Variants in PPARGC1A observed in about 807,000 individuals in gnomAD.
PPARGC1A encodes the protein PPARG coactivator 1 alpha, also known as peroxisome proliferator-activated receptor gamma coactivator 1-alpha.
In PPARGC1A, 25 loss-of-function variants were observed where a neutral mutation model predicts 88.7. The observed-to-expected ratio is 0.28, with a 90% CI of 0.21 to 0.39. PPARGC1A has a LOEUF of 0.39. Ranked by LOEUF, PPARGC1A falls within the 10% of genes least tolerant of loss-of-function variation. The pLI is 1.00. For synonymous variants in PPARGC1A, 363 were observed against 355.6 expected (o/e 1.02, Z -0.24); for missense variants, 880 against 968.7 (o/e 0.91, Z 1.22).
At chr4:23,894,650 A>C (rs934670515), upstream of PPARGC1A, among the ~76,000 whole-genome samples, 48 of 152,278 alleles carry the variant, frequency 3.2e-4, no homozygotes, top group African/African-American at 1.1e-3. Context: ...GCTCTATGGA[A>C]CTGAGTCAGC....
the PPARGC1A span, among the ~76,000 whole-genome samples, chr4:23,976,799 G>T: frequency 6.6e-6 from 1 of 152,178 alleles, no homozygotes; most frequent in Non-Finnish European, 1.5e-5. Flanking sequence ...CTGGCACCTT[G>T]AGCTTGGATT....
the PPARGC1A span, among the ~76,000 whole-genome samples, chr4:24,025,071 T>C: frequency 1.3e-5 from 2 of 152,316 alleles, no homozygotes; most frequent in Admixed American, 6.5e-5. Context: ...AAAGTTGCAA[T>C]ATAAAATGTT....
intron 2 of PPARGC1A, among the ~76,000 whole-genome samples, chr4:23,840,799 G>C: frequency 6.6e-6 from 1 of 152,050 alleles, no homozygotes. Context: ...TTTTGTTGTT[G>C]TTGTTGTTAT....
the PPARGC1A span, among the ~76,000 whole-genome samples, chr4:24,055,259 C>T: frequency 6.6e-6 from 1 of 152,180 alleles, no homozygotes; most frequent in Non-Finnish European, 1.5e-5. Flanking sequence ...GCTCCCACAT[C>T]CTTGGGGACT....
the PPARGC1A span, among the ~76,000 whole-genome samples, chr4:24,437,221 C>G: frequency 3.3e-5 from 5 of 152,214 alleles, no homozygotes; most frequent in Non-Finnish European, 5.9e-5. Context: ...TCAGGGACCA[C>G]CTCTAGCCCT....
chr4:23,975,784 A>C, the PPARGC1A span, among the ~76,000 whole-genome samples: 2 of 152,184 alleles, frequency 1.3e-5, no homozygotes, highest in African/African-American at 4.8e-5. Context: ...AGGTTTTCTG[A>C]GTTCAAATTC....
chr4:23,801,785 A>C lies in PPARGC1A; in HGVS notation c.2238T>G (p.Phe746Leu). The C allele has an allele frequency of 6.2e-7, 1 of 1,614,072 alleles. No individual in the cohort carries two copies. The highest frequency in any genetic ancestry group is 8.5e-7 in the Non-Finnish European group (1 of 1,179,980). Residue 746 changes from phenylalanine to leucine, a missense_variant, in exon 12 of 13, where the codon TTT becomes TTG. Phe to Leu is a conservative substitution (Grantham distance 22). Coordinates refer to ENST00000264867, the MANE Select transcript of PPARGC1A (RefSeq NM_013261.5). ...GCTTGCGTCCACAAAAGTACAGCTC[A>C]AAGTCAGTTTCGTTTGACCTGCGCA... ...YTLRRSNETDFELYFCGRKQF... is the reference protein window; with the variant it reads ...YTLRRSNETDLELYFCGRKQF...
At chr4:24,283,609 G>A in the PPARGC1A span, among the ~76,000 whole-genome samples, 4 of 152,078 alleles carry the variant, frequency 2.6e-5, no homozygotes, top group Non-Finnish European at 5.9e-5. Flanking sequence ...ACCATCAAGG[G>A]GCCACTGCAT....
chr4:23,844,210 T>C (rs941397254), intron 2 of PPARGC1A, among the ~76,000 whole-genome samples: 3 of 149,238 alleles, frequency 2.0e-5, no homozygotes, highest in Non-Finnish European at 4.4e-5. Flanking sequence ...AAAAAAATTA[T>C]TTTTATTAGC....
the PPARGC1A span, among the ~76,000 whole-genome samples, chr4:24,343,887 AC>A: frequency 7.4e-6 from 1 of 135,198 alleles, no homozygotes; most frequent in Non-Finnish European, 1.6e-5. Context: ...TTTATCCCTC[AC>A]CCCCCTCCCA....
At chr4:23,820,197 A>T (rs1348615063) in intron 7 of PPARGC1A, among the ~76,000 whole-genome samples, 1 of 152,180 alleles carries the variant, frequency 6.6e-6, no homozygotes. Context: ...AGTAAAAAAT[A>T]AATAACATCA....
chr4:24,387,924 A>AAAAGAAAG, the PPARGC1A span, among the ~76,000 whole-genome samples: 5 of 37,220 alleles, frequency 1.3e-4, no homozygotes, highest in South Asian at 8.4e-4. Flanking sequence ...GAAAGAAAGA[A>AAAAGAAAG]AGAAAGAAAG....
the PPARGC1A span, among the ~76,000 whole-genome samples, chr4:24,331,280 C>G: frequency 1.9e-3 from 296 of 152,212 alleles, 1 homozygote; most frequent in African/African-American, 6.9e-3. Context: ...CCCTGGAATA[C>G]GCTTTCTTAG....
chr4:24,230,760 T>C, the PPARGC1A span, among the ~76,000 whole-genome samples: 1 of 152,216 alleles, frequency 6.6e-6, no homozygotes, highest in African/African-American at 2.4e-5. Context: ...CCTTGTTATC[T>C]TGAGACAGAA....
chr4:23,802,087 A>T (rs372416015), intron 11 of PPARGC1A, 137 bp downstream of exon 11: 5 of 1,352,562 alleles, frequency 3.7e-6, no homozygotes, highest in African/African-American at 1.5e-5. Flanking sequence ...GGGATGAAAG[A>T]AAATAAATAA....
At chr4:24,155,524 C>T in the PPARGC1A span, among the ~76,000 whole-genome samples, 1 of 151,630 alleles carries the variant, frequency 6.6e-6, no homozygotes, top group African/African-American at 2.4e-5. Flanking sequence ...TTGCTTAAGC[C>T]CTGGTAATCA....
chr4:23,932,896 A>G, the PPARGC1A span, among the ~76,000 whole-genome samples: 1 of 152,330 alleles, frequency 6.6e-6, no homozygotes, highest in African/African-American at 2.4e-5. Flanking sequence ...CATGGGGTCC[A>G]GGAATCAGTC....
chr4:23,938,254 A>G, the PPARGC1A span, among the ~76,000 whole-genome samples: 5 of 152,200 alleles, frequency 3.3e-5, no homozygotes, highest in Admixed American at 1.3e-4. Context: ...AAGAATTGTT[A>G]CAGGTAAAGT....
At chr4:23,909,044 T>C (rs1177134360), upstream of PPARGC1A, among the ~76,000 whole-genome samples, 1 of 152,196 alleles carries the variant, frequency 6.6e-6, no homozygotes, top group Non-Finnish European at 1.5e-5. Flanking sequence ...AATATCCACA[T>C]GTGATTAGTA....
Sources: gnomAD v4.1 joint callset for allele counts (sites outside exome capture counted in the v4.1 genomes callset) on GRCh38, gnomAD v4.1.1 for gene constraint, MANE v1.5 for transcripts, NCBI Gene and HGNC (gene_info 2026-07-23, HGNC 2026-07-21) for gene names.